METTL22: variants seen among roughly 807,000 people sequenced by gnomAD.
The protein encoded by METTL22 is methyltransferase 22, Kin17 lysine.
In METTL22, 51 loss-of-function variants were observed where a neutral mutation model predicts 48.4. That is an observed-to-expected ratio of 1.05 (90% CI 0.84 to 1.33). METTL22 has a LOEUF of 1.33. Among genes scored for constraint, METTL22 ranks in the 40% most tolerant of loss-of-function variants. METTL22 has a pLI of 0.00. For synonymous variants in METTL22, 255 were observed against 214.1 expected (o/e 1.19, Z -1.67); for missense variants, 678 against 526.9 (o/e 1.29, Z -2.81).
At chr16:8,657,143 A>G in the METTL22 span, among the ~76,000 whole-genome samples, 1 of 152,190 alleles carries the variant, frequency 6.6e-6, no homozygotes, top group Admixed American at 6.6e-5. Flanking sequence ...TTACAGCAAG[A>G]TAAGAGAGGA....
intron 3 of METTL22, among the ~76,000 whole-genome samples, chr16:8,629,879 T>G (rs1268743405): frequency 1.3e-5 from 2 of 152,060 alleles, no homozygotes; most frequent in African/African-American, 2.4e-5. Flanking sequence ...TTCACTAGTA[T>G]CGAGTGGCCT....
chr16:8,665,625 A>G, the METTL22 span, among the ~76,000 whole-genome samples: 1 of 152,230 alleles, frequency 6.6e-6, no homozygotes, highest in Non-Finnish European at 1.5e-5. Flanking sequence ...CAGCACGCTC[A>G]GTTTGTAGAA....
At chr16:8,663,561 G>T in the METTL22 span, among the ~76,000 whole-genome samples, 8 of 151,826 alleles carry the variant, frequency 5.3e-5, no homozygotes, top group Non-Finnish European at 1.5e-5. Context: ...CCCAGGTGGG[G>T]GCCCCACCTG....
Position 8,646,802 on chromosome 16 carries a change from G to C in METTL22, c.*659G>C. ...GGTTTGTGCAGTGATCTTCCTCAGAGGTGTTCCCTTCCGCCTGGACTCATT... is the reference window on the plus strand; with the variant it reads ...GGTTTGTGCAGTGATCTTCCTCAGACGTGTTCCCTTCCGCCTGGACTCATT... On this transcript the variant is annotated 3_prime_UTR_variant, in exon 11 of 11. Transcript: ENST00000381920. 1 of 401,562 alleles carries C rather than the reference G, an allele frequency of 2.5e-6. No individual in the cohort carries two copies. The highest frequency in any genetic ancestry group is 5.0e-6 in the Non-Finnish European group (1 of 199,356). The allele number at this position is 401,562 out of a possible 1,614,324, so 24.9% of individuals were successfully genotyped here.
Position 8,646,140 on chromosome 16 carries a change from A to G in METTL22, c.1212A>G (p.Thr404=), listed in dbSNP as rs1230786682. ...GGAAGATCATCGCAGAACCAGTAAC[A>G]TGACCCATCGCCTCCACAAGGCGCG... ...ELWKIIAEPV[T] The change falls in exon 11 of 11, where the codon ACA becomes ACG. Residue 404 remains threonine (T), a synonymous_variant. Coordinates refer to ENST00000381920, the MANE Select transcript of METTL22 (RefSeq NM_024109.4). 1.3e-6 allele frequency: 2 copies of G among 1,551,220 alleles called. No individual in the cohort carries two copies. Among genetic ancestry groups the G allele is most frequent in the South Asian group, 1.1e-5 (1 of 88,854 alleles).
chr16:8,643,825 G>T (rs1474240910), intron 9 of METTL22, among the ~76,000 whole-genome samples: 7 of 152,112 alleles, frequency 4.6e-5, no homozygotes, highest in Non-Finnish European at 1.0e-4. Flanking sequence ...TGTCGTCCAG[G>T]CTGGTCTCAA....
intron 9 of METTL22, among the ~76,000 whole-genome samples, chr16:8,643,322 C>T (rs1348501589): frequency 3.3e-5 from 5 of 152,192 alleles, no homozygotes; most frequent in Non-Finnish European, 4.4e-5. Context: ...GTACAGACCT[C>T]ATTTGGATCC....
chr16:8,623,088 T>C (rs940286082), intron 1 of METTL22, among the ~76,000 whole-genome samples: 1 of 152,052 alleles, frequency 6.6e-6, no homozygotes, highest in Non-Finnish European at 1.5e-5. Context: ...CCAAGGTAGA[T>C]GGATCTACCT....
At chr16:8,633,339 A>T (rs531397724) in intron 3 of METTL22, among the ~76,000 whole-genome samples, 7 of 152,192 alleles carry the variant, frequency 4.6e-5, no homozygotes, top group Non-Finnish European at 7.4e-5. Context: ...GGTGGCTCAC[A>T]CCTATGATCC....
chr16:8,627,649 G>GA (rs2056106445), intron 2 of METTL22, among the ~76,000 whole-genome samples: 1 of 152,188 alleles, frequency 6.6e-6, no homozygotes, highest in Admixed American at 6.5e-5. Context: ...TGAAGCCACA[G>GA]CCATGCCCAG....
chr16:8,639,706 C>T lies in METTL22; in HGVS notation c.772+544C>T, dbSNP rs577756692. 7.4e-5 allele frequency: 12 copies of T among 162,402 alleles called. No individual in the cohort carries two copies. The South Asian group carries it at 8.5e-4, about 11-fold the overall frequency. The allele number at this position is 162,402 out of a possible 1,614,324, so 10.1% of individuals were successfully genotyped here. A position where few individuals can be genotyped will look rare whatever the true frequency, so the allele number is the denominator to read the frequency against. On this transcript the variant is annotated intron_variant, in intron 6 of 10. Coordinates refer to ENST00000381920, the MANE Select transcript of METTL22 (RefSeq NM_024109.4). ...GTCCCCCTGCGCAGATGGGCCTCCG[C>T]CTCCATCTGCCTGGTTCTCTGCTCC...
chr16:8,628,841 C>G lies in METTL22; in HGVS notation c.245C>G (p.Thr82Arg), dbSNP rs1376251749. 1 of 1,614,172 alleles carries G rather than the reference C, an allele frequency of 6.2e-7. No homozygotes were observed. The highest frequency in any genetic ancestry group is 8.5e-7 in the Non-Finnish European group (1 of 1,180,040). ...ACAAAGGAGCCTCCTTCTGCTGAGACAGGCAGCACAGGGTCCCCTCCAGGA... is the reference window on the plus strand; with the variant it reads ...ACAAAGGAGCCTCCTTCTGCTGAGAGAGGCAGCACAGGGTCCCCTCCAGGA... Reference protein sequence around the residue: ...VHTKEPPSAETGSTGSPPGSG... With the variant: ...VHTKEPPSAERGSTGSPPGSG... The change falls in exon 3 of 11, where the codon ACA becomes AGA. Residue 82 changes from threonine (T) to arginine (R), a missense_variant. Physicochemically the swap from Thr to Arg is moderately conservative, Grantham distance 71. Coordinates refer to ENST00000381920, the MANE Select transcript of METTL22 (RefSeq NM_024109.4).
chr16:8,660,780 TGGAGGAGGAGGAGGA>T, the METTL22 span, among the ~76,000 whole-genome samples: 3,919 of 15,098 alleles, frequency 0.26, 222 homozygotes, highest in Middle Eastern at 0.35. Context: ...GGGCAAGTCT[TGGAGGAGGAGGAGGA>T]GGAGGAGGAG....
At chr16:8,628,016 G>A (rs911548951) in intron 2 of METTL22, among the ~76,000 whole-genome samples, 1 of 152,212 alleles carries the variant, frequency 6.6e-6, no homozygotes, top group African/African-American at 2.4e-5. Context: ...GGAATTACAG[G>A]TGTAAGCCAC....
At position 8,628,917 on chromosome 16, in the gene METTL22, T is replaced by A; in HGVS notation, c.321T>A (p.Thr107=). 1 of 1,614,058 alleles carries A rather than the reference T, an allele frequency of 6.2e-7. No homozygotes were observed. The highest frequency in any genetic ancestry group is 8.5e-7 in the Non-Finnish European group (1 of 1,180,024). The stretch of plus-strand genomic sequence containing the variant: ...CCCTCCAGGCCGGGACTGACACCAC[T>A]GGCCAGGAAGTGGCTGAAGCTCAGC... The part of the protein sequence containing the change: ...GFSLQAGTDT[T]GQEVAEAQLD... Residue 107 remains threonine, a synonymous_variant, in exon 3 of 11, where the codon ACT becomes ACA. Transcript: ENST00000381920.
chr16:8,661,001 G>T, the METTL22 span, among the ~76,000 whole-genome samples: 1 of 152,120 alleles, frequency 6.6e-6, no homozygotes, highest in Non-Finnish European at 1.5e-5. Context: ...CAGGTGATGA[G>T]TTTGGTCTTG....
intron 5 of METTL22, among the ~76,000 whole-genome samples, chr16:8,638,532 C>T (rs568734449): frequency 8.5e-5 from 13 of 152,196 alleles, no homozygotes; most frequent in African/African-American, 2.2e-4. Context: ...CAAAGTGAAT[C>T]GCGCTCAAGA....
At position 8,641,139 on chromosome 16, in the gene METTL22, G is replaced by T; in HGVS notation, c.781G>T (p.Val261Phe). 6.2e-7 allele frequency: 1 copy of T among 1,613,984 alleles called. No individual in the cohort carries two copies. Among genetic ancestry groups the T allele is most frequent in the Non-Finnish European group, 8.5e-7 (1 of 1,179,930 alleles). Residue 261 changes from valine to phenylalanine, a missense_variant, in exon 7 of 11, where the codon GTT becomes TTT. Physicochemically the swap from Val to Phe is conservative, Grantham distance 50. Transcript: ENST00000381920. ...SHLAATGGGI[V>F]RVKELDWLKD... ...TTTGTTTGTTTTTACAGGTGGTATAGTTAGGGTCAAAGAACTGGACTGGCT... is the reference window on the plus strand; with the variant it reads ...TTTGTTTGTTTTTACAGGTGGTATATTTAGGGTCAAAGAACTGGACTGGCT...
downstream of METTL22, among the ~76,000 whole-genome samples, chr16:8,652,710 C>G (rs1039742907): frequency 5.3e-5 from 8 of 151,862 alleles, no homozygotes; most frequent in Middle Eastern, 3.2e-3. Context: ...TTAGACTCAT[C>G]TAAACTAAGG....
Sources: gnomAD v4.1 joint callset for allele counts (sites outside exome capture counted in the v4.1 genomes callset) on GRCh38, gnomAD v4.1.1 for gene constraint, MANE v1.5 for transcripts, NCBI Gene and HGNC (gene_info 2026-07-23, HGNC 2026-07-21) for gene names.